PDC: variants seen among roughly 807,000 people sequenced by gnomAD.
PDC encodes 33 kDa phototransducing protein.
A neutral mutation model predicts 22.2 loss-of-function variants in PDC; 19 were observed. The ratio of observed to expected loss-of-function variants is 0.86; its 90% CI spans 0.60 to 1.26. The LOEUF (loss-of-function observed/expected upper bound fraction) is 1.26, where lower values mean the gene tolerates loss of function less well. PDC is among the 50% of genes most tolerant of loss of function. The pLI is 0.00. For missense variants in PDC, 274 were observed against 286.8 expected, an observed-to-expected ratio of 0.96 and a Z score of 0.32; for synonymous variants, 97 against 96.2, an observed-to-expected ratio of 1.01 and a Z score of -0.05.
At chr1:186,449,566 A>G (rs1053861398) in intron 1 of PDC, 83 bp from the exon 2 acceptor site, 12 of 618,118 alleles carry the variant, frequency 1.9e-5, no homozygotes, top group Non-Finnish European at 3.1e-5. Flanking sequence ...ATATAGGTAC[A>G]TGCATATTTA....
intron 2 of PDC, among the ~76,000 whole-genome samples, chr1:186,447,157 T>TA (rs1312647641): frequency 8.6e-6 from 1 of 115,804 alleles, no homozygotes; most frequent in African/African-American, 2.7e-5. Context: ...GGCAGATTAT[T>TA]TTTTTTTTTG....
At chr1:186,452,544 A>G (rs10911863) in intron 1 of PDC, among the ~76,000 whole-genome samples, 24,137 of 152,224 alleles carry the variant, frequency 0.16, 2,268 homozygotes, top group African/African-American at 0.26. Context: ...CAGCTGGTAC[A>G]AGTAATTTAA....
intron 1 of PDC, among the ~76,000 whole-genome samples, chr1:186,457,811 T>A (rs975592542): frequency 2.6e-5 from 4 of 152,198 alleles, no homozygotes; most frequent in Non-Finnish European, 5.9e-5. Flanking sequence ...GTTTTCTTTC[T>A]TTTAAATACA....
Position 186,449,487 on chromosome 1 carries a change from T to A in PDC, c.-24-4A>T. 7.1e-7 allele frequency: 1 copy of A among 1,400,352 alleles called. No individual in the cohort carries two copies. The highest frequency in any genetic ancestry group is 1.0e-6 in the Non-Finnish European group (1 of 992,760). The allele number at this position is 1,400,352 out of a possible 1,614,324, so 86.7% of individuals were successfully genotyped here. A position where few individuals can be genotyped will look rare whatever the true frequency, so the allele number is the denominator to read the frequency against. The stretch of plus-strand genomic sequence containing the variant: ...TAGGGACTGGATTTGATATAATCTA[T>A]AGGAGGAACAAAGAAATAATAATGA... On this transcript the variant is annotated splice_polypyrimidine_tract_variant and splice_region_variant and intron_variant, in intron 1 of 3. Transcript: ENST00000391997.
rs1449229823 is a variant in PDC at position 186,444,308 on chromosome 1, C to A, written c.412G>T (p.Val138Phe). 6.2e-7 allele frequency: 1 copy of A among 1,612,508 alleles called. No homozygotes were observed. Among genetic ancestry groups the A allele is most frequent in the South Asian group, 1.1e-5 (1 of 91,068 alleles). The change falls in exon 4 of 4, where the codon GTT becomes TTT. Residue 138 changes from valine to phenylalanine, a missense_variant. Physicochemically the swap from Val to Phe is conservative, Grantham distance 50. Transcript: ENST00000391997. ...TTAATACCATCTTCATAAATGTGAA[C>A]AACAATTGTGGTGATCTTCAGTTCC... The part of the protein sequence containing the change: ...EKELKITTIV[V>F]HIYEDGIKGC...
intron 3 of PDC, among the ~76,000 whole-genome samples, chr1:186,445,824 T>C (rs1253196000): frequency 6.6e-6 from 1 of 152,044 alleles, no homozygotes; most frequent in Admixed American, 6.6e-5. Context: ...AATAATAATA[T>C]TGTCCCAATT....
intron 1 of PDC, among the ~76,000 whole-genome samples, chr1:186,453,713 A>G (rs1298407778): frequency 6.6e-6 from 1 of 152,200 alleles, no homozygotes; most frequent in Non-Finnish European, 1.5e-5. Context: ...ATACATTGTA[A>G]ATACTTCATA....
chr1:186,455,994 A>AAAT (rs1553242743), intron 1 of PDC, among the ~76,000 whole-genome samples: 19 of 77,098 alleles, frequency 2.5e-4, no homozygotes, highest in African/African-American at 3.5e-4. Context: ...AAAAAAAAAA[A>AAAT]ATATATATAT....
intron 1 of PDC, among the ~76,000 whole-genome samples, chr1:186,460,717 A>G (rs1056914384): frequency 6.6e-6 from 1 of 152,174 alleles, no homozygotes; most frequent in African/African-American, 2.4e-5. Context: ...ATAAAGTGCA[A>G]GGACTCATCA....
chr1:186,451,593 A>G (rs1420286944), intron 1 of PDC: 1 of 152,230 alleles, frequency 6.6e-6, no homozygotes, highest in Admixed American at 6.5e-5. Flanking sequence ...GTAAATATAC[A>G]TAAGTTCAAG....
chr1:186,444,722 C>T (rs1156802116), intron 3 of PDC, among the ~76,000 whole-genome samples: 2 of 152,152 alleles, frequency 1.3e-5, no homozygotes, highest in Non-Finnish European at 2.9e-5. Flanking sequence ...GTCCCCATCT[C>T]ACACTCTCCA....
chr1:186,449,692 A>T (rs1372556393), intron 1 of PDC, among the ~76,000 whole-genome samples: 1 of 152,204 alleles, frequency 6.6e-6, no homozygotes, highest in Non-Finnish European at 1.5e-5. Context: ...TTAATTTAAC[A>T]TGTGTTATTA....
At chr1:186,446,738 T>C (rs1469047920) in intron 2 of PDC, among the ~76,000 whole-genome samples, 161 bp from the exon 3 acceptor site, 1 of 152,200 alleles carries the variant, frequency 6.6e-6, no homozygotes, top group Non-Finnish European at 1.5e-5. Flanking sequence ...GCCCTGCTCA[T>C]AAAAATATGC....
intron 1 of PDC, among the ~76,000 whole-genome samples, chr1:186,456,181 T>G (rs1477396576): frequency 1.3e-5 from 2 of 151,398 alleles, no homozygotes; most frequent in South Asian, 4.2e-4. Flanking sequence ...ATCAGAAAAG[T>G]GGTACACAGA....
intron 1 of PDC, among the ~76,000 whole-genome samples, chr1:186,459,445 A>G (rs1384163546): frequency 6.6e-6 from 1 of 152,166 alleles, no homozygotes; most frequent in Non-Finnish European, 1.5e-5. Flanking sequence ...GCAGACATAC[A>G]GATATTCTTT....
chr1:186,446,071 A>C (rs1391885089), intron 3 of PDC, among the ~76,000 whole-genome samples: 8 of 152,220 alleles, frequency 5.3e-5, no homozygotes, highest in Non-Finnish European at 4.4e-5. Flanking sequence ...ACATTTGTGT[A>C]GTATTTTACA....
At chr1:186,456,345 T>C (rs1055013367) in intron 1 of PDC, among the ~76,000 whole-genome samples, 2 of 152,156 alleles carry the variant, frequency 1.3e-5, no homozygotes, top group Non-Finnish European at 2.9e-5. Flanking sequence ...AACTAAAAGG[T>C]TGATGCTCAG....
Position 186,460,670 on chromosome 1 carries a change from G to A in PDC, c.-25+389C>T, listed in dbSNP as rs184610475. The stretch of plus-strand genomic sequence containing the variant: ...CCCCCTTGGATAAGGGGCAACTACC[G>A]CACTCCTTTTCCAACTTGGGAGCCA... On this transcript the variant is annotated intron_variant, in intron 1 of 3. Coordinates refer to ENST00000391997, the MANE Select transcript of PDC (RefSeq NM_002597.5). Among the ~76,000 whole-genome samples the A allele has an allele frequency of 4.6e-5, 7 of 152,276 alleles. No homozygotes were observed. In the East Asian group the frequency reaches 5.8e-4, roughly 13 times the overall value.
intron 2 of PDC, chr1:186,448,559 G>C: frequency 3.9e-6 from 1 of 254,314 alleles, no homozygotes; most frequent in Non-Finnish European, 6.2e-6. Context: ...TTTTTTCCCT[G>C]TCTCCTACTT....
Sources: allele counts gnomAD v4.1 joint callset (sites outside exome capture counted in the v4.1 genomes callset), GRCh38; gene constraint gnomAD v4.1.1; transcripts MANE v1.5; gene names NCBI Gene and HGNC (gene_info 2026-07-23, HGNC 2026-07-21).